KCTD16: variants seen among roughly 807,000 people sequenced by gnomAD.
KCTD16 encodes BTB/POZ domain-containing protein KCTD16.
A neutral mutation model predicts 33.2 loss-of-function variants in KCTD16; 13 were observed. The ratio of observed to expected loss-of-function variants is 0.39; its 90% CI spans 0.25 to 0.62. KCTD16 has a LOEUF of 0.62. Among genes scored for constraint, KCTD16 ranks in the 20% least tolerant of loss-of-function variants. The probability of loss-of-function intolerance (pLI) is 0.50; values close to 1 mark genes in which losing one functional copy is unlikely to be tolerated. For missense variants in KCTD16, 441 were observed against 525.1 expected (o/e 0.84, Z 1.57); for synonymous variants, 197 against 195.3 (o/e 1.01, Z -0.07).
At chr5:144,266,611 A>G (rs1000930142) in intron 3 of KCTD16, among the ~76,000 whole-genome samples, 1 of 152,186 alleles carries the variant, frequency 6.6e-6, no homozygotes, top group African/African-American at 2.4e-5. Context: ...CTTTGACCAA[A>G]TACCCTTCCC....
intron 3 of KCTD16, among the ~76,000 whole-genome samples, chr5:144,379,429 A>G (rs994833051): frequency 1.3e-5 from 2 of 152,128 alleles, no homozygotes; most frequent in Non-Finnish European, 2.9e-5. Context: ...AAGCTTTGTG[A>G]CTATAGGGAC....
intron 2 of KCTD16, among the ~76,000 whole-genome samples, chr5:144,178,666 C>G (rs1456547707): frequency 6.6e-6 from 1 of 152,108 alleles, no homozygotes; most frequent in African/African-American, 2.4e-5. Context: ...ATAAACATTT[C>G]TTAACTCTTG....
In KCTD16 at chr5:144,298,109, G is replaced by C. The variant is rs146331746; in HGVS notation, c.832+90563G>C. ...CTAAGTGCCCGGGTTCATCCTAATC[G>C]AGCTGAACACTAGTCACTGGGTTCC... On this transcript the variant is annotated intron_variant, in intron 3 of 3. Transcript: ENST00000512467. Among the ~76,000 whole-genome samples the C allele has an allele frequency of 1.8e-4, 28 of 152,238 alleles. No individual in the cohort carries two copies. In the East Asian group the frequency reaches 4.4e-3, roughly 24 times the overall value.
intron 3 of KCTD16, among the ~76,000 whole-genome samples, chr5:144,315,453 T>G (rs1751878417): frequency 6.6e-6 from 1 of 152,184 alleles, no homozygotes; most frequent in Non-Finnish European, 1.5e-5. Flanking sequence ...ATTATATACT[T>G]CTTGTTGTAA....
At chr5:144,181,119 G>C (rs1387573103) in intron 2 of KCTD16, among the ~76,000 whole-genome samples, 1 of 151,766 alleles carries the variant, frequency 6.6e-6, no homozygotes, top group Non-Finnish European at 1.5e-5. Flanking sequence ...TTTTTTAGTA[G>C]AGGCGGGGTT....
intron 3 of KCTD16, among the ~76,000 whole-genome samples, chr5:144,257,955 A>G (rs1303284237): frequency 6.6e-6 from 1 of 152,132 alleles, no homozygotes; most frequent in Non-Finnish European, 1.5e-5. Context: ...TTATAAGGAT[A>G]TTTCTCCCTG....
In KCTD16 at chr5:144,362,618, T is replaced by C. The variant is rs146786988; in HGVS notation, c.833-111042T>C. Among the ~76,000 whole-genome samples, 191 of 152,334 alleles carry C rather than the reference T, an allele frequency of 1.3e-3. 1 individual carries two copies. Among genetic ancestry groups the C allele is most frequent in the African/African-American group, 4.3e-3 (179 of 41,578 alleles). ...GGAATAGTAATATAATTATTGGTAA[T>C]TATTTTAAAGGGTTATTTAAATTGA... On this transcript the variant is annotated intron_variant, in intron 3 of 3. Transcript: ENST00000512467.
chr5:144,459,822 A>ATT (rs1580981276), intron 3 of KCTD16, among the ~76,000 whole-genome samples: 2 of 127,520 alleles, frequency 1.6e-5, no homozygotes, highest in African/African-American at 5.9e-5. Context: ...CTCCAATATC[A>ATT]TCTTTTTTTT....
chr5:144,417,602 T>A (rs995795048), intron 3 of KCTD16, among the ~76,000 whole-genome samples: 4 of 152,208 alleles, frequency 2.6e-5, no homozygotes, highest in African/African-American at 9.6e-5. Flanking sequence ...AAAATATTTT[T>A]AAATTTTTGA....
intron 3 of KCTD16, among the ~76,000 whole-genome samples, chr5:144,252,936 C>A (rs938834531): frequency 7.2e-6 from 1 of 138,086 alleles, no homozygotes; most frequent in African/African-American, 2.7e-5. Flanking sequence ...TTTCCCTTTT[C>A]ACTGTGAATT....
intron 3 of KCTD16, among the ~76,000 whole-genome samples, chr5:144,472,669 G>A (rs751464976): frequency 8.6e-5 from 13 of 152,026 alleles, no homozygotes; most frequent in African/African-American, 1.5e-4. Flanking sequence ...TTACAACAAC[G>A]GATACTTCAC....
chr5:144,353,069 A>G (rs1326909809), intron 3 of KCTD16, among the ~76,000 whole-genome samples: 1 of 152,230 alleles, frequency 6.6e-6, no homozygotes, highest in African/African-American at 2.4e-5. Flanking sequence ...AATTAGATGC[A>G]GACCAGGGCT....
At chr5:144,198,475 A>G (rs1296576788) in intron 2 of KCTD16, among the ~76,000 whole-genome samples, 1 of 152,170 alleles carries the variant, frequency 6.6e-6, no homozygotes, top group Non-Finnish European at 1.5e-5. Context: ...CCTTGAGCTA[A>G]ATCTTTCCAT....
In KCTD16 at chr5:144,298,087, A is replaced by C. The variant is rs528393155; in HGVS notation, c.832+90541A>C. Among the ~76,000 whole-genome samples, 263 of 152,316 alleles carry C rather than the reference A, an allele frequency of 1.7e-3. 2 individuals are homozygous for C. Among genetic ancestry groups the C allele is most frequent in the Non-Finnish European group, 2.9e-3 (198 of 68,022 alleles). The stretch of plus-strand genomic sequence containing the variant: ...GCTTGCCATTGTTCCTGCATGGCTA[A>C]GTGCCCGGGTTCATCCTAATCGAGC... On this transcript the variant is annotated intron_variant, in intron 3 of 3. Coordinates refer to ENST00000512467, the MANE Select transcript of KCTD16 (RefSeq NM_020768.4).
At position 144,347,151 on chromosome 5, in the gene KCTD16, C is replaced by T. The variant is rs74725713; in HGVS notation, c.833-126509C>T. On this transcript the variant is annotated intron_variant, in intron 3 of 3. Coordinates refer to ENST00000512467, the MANE Select transcript of KCTD16 (RefSeq NM_020768.4). ...GATTTACTGTTCAATGTAGTATCCT[C>T]TAGCCCCATGTGGCCATTGAGCACG... Among the ~76,000 whole-genome samples the T allele has an allele frequency of 8.8e-4, 134 of 152,316 alleles. 1 individual carries two copies. The highest frequency in any genetic ancestry group is 3.2e-3 in the African/African-American group (131 of 41,578).
chr5:144,421,350 G>A (rs1210449096), intron 3 of KCTD16, among the ~76,000 whole-genome samples: 1 of 152,132 alleles, frequency 6.6e-6, no homozygotes, highest in East Asian at 1.9e-4. Flanking sequence ...GTCCAAATTT[G>A]TTTTTGTAGT....
intron 3 of KCTD16, among the ~76,000 whole-genome samples, chr5:144,367,899 A>G (rs1472370084): frequency 6.6e-6 from 1 of 151,024 alleles, no homozygotes; most frequent in African/African-American, 2.4e-5. Context: ...AATTGAGAAC[A>G]TGCAGTATTC....
chr5:144,479,091 A>C lies in KCTD16; in HGVS notation c.*4977A>C, dbSNP rs1035612870. 2 of 152,006 alleles carry C rather than the reference A, an allele frequency of 1.3e-5. No homozygotes were observed. Among genetic ancestry groups the C allele is most frequent in the African/African-American group, 4.8e-5 (2 of 41,426 alleles). The allele number at this position is 152,006 out of a possible 1,614,324, so 9.4% of individuals were successfully genotyped here. A position where few individuals can be genotyped will look rare whatever the true frequency, so the allele number is the denominator to read the frequency against. Reference sequence around the variant, plus strand: ...GTTGTTTATTTCTAGGCCCTTACTTAGTATGAGTGGGAGGAAATTGAAAGT... The same window carrying C: ...GTTGTTTATTTCTAGGCCCTTACTTCGTATGAGTGGGAGGAAATTGAAAGT... On this transcript the variant is annotated 3_prime_UTR_variant, in exon 4 of 4. Transcript: ENST00000512467.
intron 3 of KCTD16, among the ~76,000 whole-genome samples, chr5:144,252,020 T>C (rs1323371097): frequency 6.6e-6 from 1 of 152,208 alleles, no homozygotes; most frequent in African/African-American, 2.4e-5. Flanking sequence ...ATGTGATGTT[T>C]TGATATGTTT....
Sources: allele counts gnomAD v4.1 joint callset (sites outside exome capture counted in the v4.1 genomes callset), GRCh38; gene constraint gnomAD v4.1.1; transcripts MANE v1.5; gene names NCBI Gene and HGNC (gene_info 2026-07-23, HGNC 2026-07-21).